The following CACNB4 variants were observed in gnomAD, a reference collection of about 807,000 sequenced individuals.
CACNB4 encodes calcium voltage-gated channel auxiliary subunit beta 4.
A neutral mutation model predicts 71.2 loss-of-function variants in CACNB4; 32 were observed. That is an observed-to-expected ratio of 0.45 (90% CI 0.34 to 0.60). The LOEUF (loss-of-function observed/expected upper bound fraction) is 0.60, where lower values mean the gene tolerates loss of function less well. Ranked by LOEUF, CACNB4 falls within the 20% of genes least tolerant of loss-of-function variation. The pLI, the probability that CACNB4 is intolerant of heterozygous loss-of-function variation, is 0.01. For missense variants in CACNB4, 464 were observed against 647.9 expected (o/e 0.72, Z 3.08); for synonymous variants, 231 against 236.9 (o/e 0.97, Z 0.23).
intron 2 of CACNB4, among the ~76,000 whole-genome samples, chr2:151,909,591 C>T (rs1158488778): frequency 6.6e-6 from 1 of 152,082 alleles, no homozygotes; most frequent in Non-Finnish European, 1.5e-5. Context: ...CCCAGCAGGC[C>T]CTGTGTGTGT....
At chr2:151,860,295 C>T (rs941468798) in intron 10 of CACNB4, 4 of 208,516 alleles carry the variant, frequency 1.9e-5, no homozygotes, top group African/African-American at 9.5e-5. Context: ...CCATTCACAA[C>T]ACCAAGAACA....
At chr2:151,989,132 G>T (rs1316926082) in intron 2 of CACNB4, among the ~76,000 whole-genome samples, 3 of 152,078 alleles carry the variant, frequency 2.0e-5, no homozygotes, top group Non-Finnish European at 4.4e-5. Context: ...CAATTTCTCT[G>T]GCCTCAGTAC....
chr2:151,873,675 G>A (rs2099845184), intron 5 of CACNB4: 1 of 152,010 alleles, frequency 6.6e-6, no homozygotes, highest in Admixed American at 6.6e-5. Flanking sequence ...GGAGTGGCCG[G>A]GTGTAAGTGT....
chr2:151,904,197 T>G (rs562054203), intron 2 of CACNB4, among the ~76,000 whole-genome samples: 189 of 152,362 alleles, frequency 1.2e-3, no homozygotes, highest in African/African-American at 4.4e-3. Context: ...AGTTAAGCAC[T>G]TCTAGTTACA....
At chr2:152,014,201 G>T (rs1027365112) in intron 2 of CACNB4, among the ~76,000 whole-genome samples, 1 of 151,784 alleles carries the variant, frequency 6.6e-6, no homozygotes, top group African/African-American at 2.4e-5. Context: ...ACAAAAATCA[G>T]CTGGGCATGG....
In CACNB4 at chr2:152,012,197, T is replaced by C. The variant is rs13009895; in HGVS notation, c.147+86133A>G. 1.2e-3 allele frequency among the ~76,000 whole-genome samples: 183 copies of C among 151,804 alleles called. 1 individual carries two copies. Among genetic ancestry groups the C allele is most frequent in the Non-Finnish European group, 2.0e-3 (136 of 67,970 alleles). On this transcript the variant is annotated intron_variant, in intron 2 of 13. Coordinates refer to ENST00000539935, the MANE Select transcript of CACNB4 (RefSeq NM_000726.5). ...ATTGTCATAGCAGATGACAGCTCCA[T>C]GTGGGTTACTGCCCCTGAGATCCTT...
At chr2:151,949,683 T>C (rs1038478891) in intron 2 of CACNB4, among the ~76,000 whole-genome samples, 9 of 152,142 alleles carry the variant, frequency 5.9e-5, no homozygotes, top group African/African-American at 2.2e-4. Flanking sequence ...CTGCAATGGG[T>C]TCTGAAGGCC....
chr2:151,838,827 T>C lies in CACNB4; in HGVS notation c.*292A>G, dbSNP rs1024871214. On this transcript the variant is annotated 3_prime_UTR_variant, in exon 14 of 14. Coordinates refer to ENST00000539935, the MANE Select transcript of CACNB4 (RefSeq NM_000726.5). ...ATGGGAAATTATTTTATATGTGCCT[T>C]GTAAGTACCCTAAATTACAAATTGA... is the stretch of plus-strand genomic sequence containing the variant. 4.6e-6 allele frequency: 1 copy of C among 215,316 alleles called. No individual in the cohort carries two copies. Among genetic ancestry groups the C allele is most frequent in the African/African-American group, 2.3e-5 (1 of 43,820 alleles). The allele number at this position is 215,316 out of a possible 1,614,324, so 13.3% of individuals were successfully genotyped here.
intron 2 of CACNB4, among the ~76,000 whole-genome samples, chr2:151,906,974 G>C (rs1417193352): frequency 6.6e-6 from 1 of 152,098 alleles, no homozygotes; most frequent in African/African-American, 2.4e-5. Context: ...TGTTATCATT[G>C]CACTTACATT....
chr2:151,870,570 A>C lies in CACNB4; in HGVS notation c.660T>G (p.Arg220=). The change falls in exon 8 of 14, where the codon CGT becomes CGG. Residue 220 remains arginine (R), a synonymous_variant. Coordinates refer to ENST00000539935, the MANE Select transcript of CACNB4 (RefSeq NM_000726.5). ...IPPYDVVPSM[R]PVVLVGPSLK... ...GTGACGGCCCCACTAACACCACCGG[A>C]CGCATTGACGGTACAACATCGTAAG... The C allele has an allele frequency of 6.2e-7, 1 of 1,613,922 alleles. No homozygotes were observed. The highest frequency in any genetic ancestry group is 8.5e-7 in the Non-Finnish European group (1 of 1,179,860).
chr2:151,958,297 A>G (rs1353675360), intron 2 of CACNB4, among the ~76,000 whole-genome samples: 1 of 152,218 alleles, frequency 6.6e-6, no homozygotes, highest in East Asian at 1.9e-4. Context: ...GAGGATAGGT[A>G]CAGGCCCGGA....
chr2:151,985,140 A>C (rs1174641100), intron 2 of CACNB4, among the ~76,000 whole-genome samples: 1 of 152,226 alleles, frequency 6.6e-6, no homozygotes, highest in African/African-American at 2.4e-5. Context: ...CAAAAGAGTA[A>C]GAAGACAAGA....
At chr2:152,014,068 T>C (rs1683207197) in intron 2 of CACNB4, among the ~76,000 whole-genome samples, 1 of 152,174 alleles carries the variant, frequency 6.6e-6, no homozygotes, top group Non-Finnish European at 1.5e-5. Flanking sequence ...CTTAGCCTGA[T>C]GTGGTGGCTC....
intron 8 of CACNB4, chr2:151,870,231 G>C (rs2099844256): frequency 1.4e-6 from 1 of 702,408 alleles, no homozygotes; most frequent in Admixed American, 2.0e-5. Context: ...GGTCAAGACA[G>C]ATAAAGTCCT....
At chr2:151,979,092 A>C (rs2099874280) in intron 2 of CACNB4, among the ~76,000 whole-genome samples, 1 of 151,834 alleles carries the variant, frequency 6.6e-6, no homozygotes, top group African/African-American at 2.4e-5. Flanking sequence ...GGACCACCCC[A>C]CCCTGTCACA....
At chr2:151,876,729 C>CTAGACTATATTTTA (rs1553757290) in intron 4 of CACNB4, among the ~76,000 whole-genome samples, 173 bp from the exon 5 acceptor site, 2 of 15,072 alleles carry the variant, frequency 1.3e-4, no homozygotes, top group Middle Eastern at 0.083. Flanking sequence ...ATATACTATA[C>CTAGACTATATTTTA]TATAGACTAT....
At chr2:152,015,497 C>G (rs966935064) in intron 2 of CACNB4, among the ~76,000 whole-genome samples, 5 of 152,204 alleles carry the variant, frequency 3.3e-5, no homozygotes, top group African/African-American at 1.2e-4. Flanking sequence ...GGCACATCTT[C>G]TTAGCACAAC....
intron 2 of CACNB4, among the ~76,000 whole-genome samples, chr2:152,022,607 A>G (rs1327396155): frequency 6.6e-6 from 1 of 152,196 alleles, no homozygotes; most frequent in Non-Finnish European, 1.5e-5. Context: ...TGCATATACG[A>G]AAGCATGGGC....
chr2:151,998,118 T>C (rs556438685), intron 2 of CACNB4, among the ~76,000 whole-genome samples: 36 of 150,832 alleles, frequency 2.4e-4, no homozygotes, highest in African/African-American at 8.3e-4. Context: ...AGGTCAGGAG[T>C]TCAAGACCAG....
Sources: gnomAD v4.1 joint callset for allele counts (sites outside exome capture counted in the v4.1 genomes callset) on GRCh38, gnomAD v4.1.1 for gene constraint, MANE v1.5 for transcripts, NCBI Gene and HGNC (gene_info 2026-07-23, HGNC 2026-07-21) for gene names.